The following CNTN5 variants were observed in gnomAD, a reference collection of about 807,000 sequenced individuals.
CNTN5 encodes the protein contactin-5.
A neutral mutation model predicts 129.1 loss-of-function variants in CNTN5; 77 were observed. That is an observed-to-expected ratio of 0.60 (90% CI 0.50 to 0.72). The LOEUF (loss-of-function observed/expected upper bound fraction) is 0.72. CNTN5 is among the 30% of genes least tolerant of loss of function. CNTN5 has a pLI of 0.00. For missense variants in CNTN5, 1,478 were observed against 1,328.8 expected, an observed-to-expected ratio of 1.11 and a Z score of -1.75; for synonymous variants, 509 against 465.6, an observed-to-expected ratio of 1.09 and a Z score of -1.20.
intron 8 of CNTN5, among the ~76,000 whole-genome samples, chr11:99,958,384 G>A (rs1239624748): frequency 6.6e-6 from 1 of 152,150 alleles, no homozygotes; most frequent in Non-Finnish European, 1.5e-5. Flanking sequence ...CATTGAATGG[G>A]CGATGATTCT....
intron 13 of CNTN5, among the ~76,000 whole-genome samples, chr11:100,125,252 T>A (rs1946145983): frequency 6.6e-6 from 1 of 152,076 alleles, no homozygotes; most frequent in Non-Finnish European, 1.5e-5. Context: ...AAGCTGAGGT[T>A]TGTGATATGA....
At chr11:100,093,437 AT>A (rs529419532) in intron 13 of CNTN5, among the ~76,000 whole-genome samples, 165 of 148,056 alleles carry the variant, frequency 1.1e-3, no homozygotes, top group Middle Eastern at 3.5e-3. Flanking sequence ...AGTTTTTATT[AT>A]TTTTTTTTTA....
chr11:99,243,468 A>G (rs1861662144), intron 1 of CNTN5, among the ~76,000 whole-genome samples: 1 of 152,028 alleles, frequency 6.6e-6, no homozygotes. Context: ...TGTTTTAATT[A>G]GGCCTTACTT....
intron 2 of CNTN5, among the ~76,000 whole-genome samples, chr11:99,492,329 T>C (rs911097539): frequency 2.0e-5 from 3 of 152,216 alleles, no homozygotes; most frequent in African/African-American, 7.2e-5. Flanking sequence ...ACCTCTTTAA[T>C]AGACCTTACT....
chr11:100,107,077 A>G (rs1212882000), intron 13 of CNTN5, among the ~76,000 whole-genome samples: 1 of 152,190 alleles, frequency 6.6e-6, no homozygotes, highest in African/African-American at 2.4e-5. Context: ...TAGATTTGGA[A>G]TATGGATTGA....
intron 16 of CNTN5, among the ~76,000 whole-genome samples, chr11:100,237,517 T>G (rs1949646599): frequency 6.6e-6 from 1 of 152,204 alleles, no homozygotes; most frequent in African/African-American, 2.4e-5. Flanking sequence ...TGACTTTTAC[T>G]GCAGATTGAA....
At chr11:99,260,661 CT>C (rs750465399) in intron 1 of CNTN5, among the ~76,000 whole-genome samples, 1 of 151,892 alleles carries the variant, frequency 6.6e-6, no homozygotes, top group Non-Finnish European at 1.5e-5. Context: ...TCACAATCCT[CT>C]TGTTTTTAGA....
intron 3 of CNTN5, among the ~76,000 whole-genome samples, chr11:99,764,920 C>T (rs1399056696): frequency 6.6e-6 from 1 of 151,976 alleles, no homozygotes; most frequent in Non-Finnish European, 1.5e-5. Context: ...ATGTACTGCT[C>T]CTATAATTTT....
chr11:100,317,409 G>A (rs889751902), intron 21 of CNTN5, among the ~76,000 whole-genome samples: 1 of 152,060 alleles, frequency 6.6e-6, no homozygotes, highest in Non-Finnish European at 1.5e-5. Flanking sequence ...ATGCTGTGTG[G>A]GTAGCCGCCA....
chr11:99,534,436 C>T (rs1328940105), intron 2 of CNTN5, among the ~76,000 whole-genome samples: 1 of 152,088 alleles, frequency 6.6e-6, no homozygotes, highest in African/African-American at 2.4e-5. Flanking sequence ...AAGGACTTTA[C>T]GTAGCTCATA....
intron 2 of CNTN5, among the ~76,000 whole-genome samples, chr11:99,414,110 C>A (rs1269649622): frequency 6.6e-6 from 1 of 152,168 alleles, no homozygotes; most frequent in Non-Finnish European, 1.5e-5. Flanking sequence ...AAATTCCTGC[C>A]TCTTCCTCCT....
At chr11:100,276,360 C>CA (rs1950510158) in intron 18 of CNTN5, among the ~76,000 whole-genome samples, 1 of 151,714 alleles carries the variant, frequency 6.6e-6, no homozygotes, top group Non-Finnish European at 1.5e-5. Flanking sequence ...GCCAACATGG[C>CA]AAAAACCATC....
intron 1 of CNTN5, among the ~76,000 whole-genome samples, chr11:99,088,529 A>C (rs1866094031): frequency 6.6e-6 from 1 of 152,174 alleles, no homozygotes; most frequent in African/African-American, 2.4e-5. Context: ...TGTCAGGAGG[A>C]TGCACCTTGT....
chr11:99,787,990 A>T (rs1945597250), intron 3 of CNTN5, among the ~76,000 whole-genome samples: 1 of 151,946 alleles, frequency 6.6e-6, no homozygotes, highest in African/African-American at 2.4e-5. Context: ...TGTGTAAATC[A>T]TACAGCATTT....
chr11:99,337,732 T>C (rs1866296568), intron 2 of CNTN5, among the ~76,000 whole-genome samples: 1 of 152,182 alleles, frequency 6.6e-6, no homozygotes, highest in African/African-American at 2.4e-5. Flanking sequence ...CCCAACAAAA[T>C]AGTAAGTTAC....
intron 1 of CNTN5, among the ~76,000 whole-genome samples, chr11:99,036,585 G>T (rs139276656): frequency 1.2e-3 from 185 of 152,046 alleles, no homozygotes; most frequent in Admixed American, 5.2e-3. Flanking sequence ...TATATGAGTG[G>T]ATCTTGAAGT....
chr11:99,782,660 C>T (rs1001719383), intron 3 of CNTN5, among the ~76,000 whole-genome samples: 103 of 152,040 alleles, frequency 6.8e-4, no homozygotes, highest in Non-Finnish European at 3.4e-4. Flanking sequence ...ACAGAGCCCT[C>T]AGAAATAACG....
At chr11:100,226,120 T>A (rs986193625) in intron 16 of CNTN5, among the ~76,000 whole-genome samples, 1 of 152,122 alleles carries the variant, frequency 6.6e-6, no homozygotes, top group African/African-American at 2.4e-5. Context: ...ACCAACTTTT[T>A]AAAGTATTCA....
chr11:100,187,679 G>A (rs1303868505), intron 13 of CNTN5, among the ~76,000 whole-genome samples: 1 of 152,106 alleles, frequency 6.6e-6, no homozygotes, highest in African/African-American at 2.4e-5. Context: ...ACAAAAATAA[G>A]TAATGAGGAA....
Sources: allele counts gnomAD v4.1 joint callset (sites outside exome capture counted in the v4.1 genomes callset), GRCh38; gene constraint gnomAD v4.1.1; transcripts MANE v1.5; gene names NCBI Gene and HGNC (gene_info 2026-07-23, HGNC 2026-07-21).